Variants in ASIC2 observed in about 807,000 individuals in gnomAD.
ASIC2 encodes the protein acid-sensing ion channel 2.
Under a neutral mutation model 57.3 loss-of-function variants are expected in ASIC2, and 25 were observed. The observed-to-expected ratio is 0.44, with a 90% CI of 0.32 to 0.61. The LOEUF is 0.61. Ranked by LOEUF, ASIC2 falls within the 20% of genes least tolerant of loss-of-function variation. ASIC2 has a pLI of 0.06. For missense variants in ASIC2, 641 were observed against 738.1 expected, an observed-to-expected ratio of 0.87 and a Z score of 1.52; for synonymous variants, 319 against 307.5, an observed-to-expected ratio of 1.04 and a Z score of -0.39.
At chr17:33,485,116 C>CA (rs1174875764) in intron 1 of ASIC2, among the ~76,000 whole-genome samples, 2 of 152,254 alleles carry the variant, frequency 1.3e-5, no homozygotes, top group African/African-American at 4.8e-5. Context: ...TGCCCTGCAA[C>CA]ATAGTCACAT....
intron 1 of ASIC2, among the ~76,000 whole-genome samples, chr17:33,769,167 G>C (rs1911021235): frequency 6.6e-6 from 1 of 152,206 alleles, no homozygotes; most frequent in South Asian, 2.1e-4. Flanking sequence ...GATGGGACCA[G>C]GGGCCAACTG....
intron 1 of ASIC2, among the ~76,000 whole-genome samples, chr17:33,253,628 G>A (rs934308434): frequency 6.6e-6 from 1 of 152,180 alleles, no homozygotes; most frequent in African/African-American, 2.4e-5. Context: ...ATCCTCTTTG[G>A]ATGGCCCAGG....
At chr17:33,831,052 T>C (rs1347376990) in intron 1 of ASIC2, among the ~76,000 whole-genome samples, 1 of 127,466 alleles carries the variant, frequency 7.8e-6, no homozygotes, top group East Asian at 2.3e-4. Context: ...GAGGTTGCAA[T>C]GAGCAGAGAT....
intron 1 of ASIC2, among the ~76,000 whole-genome samples, chr17:33,602,412 T>C (rs115208811): frequency 0.032 from 4,907 of 152,244 alleles, 259 homozygotes; most frequent in African/African-American, 0.11. Flanking sequence ...AGAATGAGTT[T>C]GGCCCCCTTC....
chr17:33,088,427 C>T (rs1354886729), intron 3 of ASIC2, among the ~76,000 whole-genome samples: 2 of 152,126 alleles, frequency 1.3e-5, no homozygotes, highest in African/African-American at 2.4e-5. Context: ...AACAAGGGCT[C>T]GCTCCACTTA....
intron 1 of ASIC2, among the ~76,000 whole-genome samples, chr17:33,703,322 T>TTTTTC (rs1555553182): frequency 0.034 from 3,442 of 101,652 alleles, 134 homozygotes; most frequent in African/African-American, 0.14. Context: ...TTTCTTTTTC[T>TTTTTC]TTTTTTTTTT....
chr17:33,815,534 A>G (rs1180267431), intron 1 of ASIC2, among the ~76,000 whole-genome samples: 1 of 152,132 alleles, frequency 6.6e-6, no homozygotes, highest in Non-Finnish European at 1.5e-5. Context: ...GAGGATCTGA[A>G]TTCCTCTTAC....
intron 1 of ASIC2, among the ~76,000 whole-genome samples, chr17:33,862,244 A>G (rs2141924610): frequency 6.6e-6 from 1 of 152,310 alleles, no homozygotes; most frequent in South Asian, 2.1e-4. Flanking sequence ...AATATTTGTA[A>G]CACACTGTAA....
chr17:34,098,912 G>A, intron 1 of ASIC2, among the ~76,000 whole-genome samples: 1 of 151,952 alleles, frequency 6.6e-6, no homozygotes, highest in Non-Finnish European at 1.5e-5. Flanking sequence ...TCCATACCGT[G>A]TGATGCCCCG....
chr17:33,082,248 G>A (rs1442468478), intron 3 of ASIC2, among the ~76,000 whole-genome samples: 5 of 152,098 alleles, frequency 3.3e-5, no homozygotes, highest in African/African-American at 9.7e-5. Flanking sequence ...TAATTGCCCA[G>A]AATCTCTAGA....
intron 1 of ASIC2, among the ~76,000 whole-genome samples, chr17:34,155,397 A>G (rs1904677279): frequency 6.6e-6 from 1 of 152,060 alleles, no homozygotes; most frequent in African/African-American, 2.4e-5. Context: ...AATTCACACA[A>G]GGAAAGGAAG....
chr17:34,102,277 C>G (rs904022112), intron 1 of ASIC2, among the ~76,000 whole-genome samples: 1 of 152,226 alleles, frequency 6.6e-6, no homozygotes, highest in African/African-American at 2.4e-5. Context: ...TTGCAGTGAG[C>G]TGAGATCGCC....
intron 1 of ASIC2, among the ~76,000 whole-genome samples, chr17:34,030,525 G>C (rs1296367956): frequency 1.3e-5 from 2 of 152,204 alleles, no homozygotes; most frequent in Admixed American, 1.3e-4. Context: ...AGTAGGTGCA[G>C]TGCACCGTGC....
chr17:33,584,833 A>G (rs978484087), intron 1 of ASIC2, among the ~76,000 whole-genome samples: 2 of 152,124 alleles, frequency 1.3e-5, no homozygotes, highest in South Asian at 4.1e-4. Flanking sequence ...GGACACTAAC[A>G]GGAACTGCCT....
chr17:34,032,677 G>A (rs1180714478), intron 1 of ASIC2, among the ~76,000 whole-genome samples: 2 of 151,990 alleles, frequency 1.3e-5, no homozygotes, highest in East Asian at 1.9e-4. Context: ...GATCTACCAA[G>A]CAAATGGAAA....
intron 1 of ASIC2, among the ~76,000 whole-genome samples, chr17:33,383,954 C>T (rs1021891): frequency 0.76 from 115,855 of 152,078 alleles, 44,851 homozygotes; most frequent in Middle Eastern, 0.81. Flanking sequence ...GTGAGTTAAA[C>T]ACAAACCAGA....
intron 1 of ASIC2, among the ~76,000 whole-genome samples, chr17:33,888,697 C>T (rs1017790580): frequency 1.3e-5 from 2 of 152,020 alleles, no homozygotes; most frequent in African/African-American, 4.8e-5. Context: ...AATGTAGGTG[C>T]CCCTGGATGA....
At chr17:33,177,792 C>T (rs2142055500) in intron 1 of ASIC2, among the ~76,000 whole-genome samples, 1 of 152,252 alleles carries the variant, frequency 6.6e-6, no homozygotes, top group South Asian at 2.1e-4. Flanking sequence ...CTCTTACTTG[C>T]TTGCTGAAAT....
At chr17:34,129,675 G>A (rs1050199216) in intron 1 of ASIC2, among the ~76,000 whole-genome samples, 8 of 152,174 alleles carry the variant, frequency 5.3e-5, no homozygotes, top group African/African-American at 1.4e-4. Flanking sequence ...CTGCCCTGAG[G>A]AAATCTAAGT....
Sources: gnomAD v4.1 joint callset for allele counts (sites outside exome capture counted in the v4.1 genomes callset) on GRCh38, gnomAD v4.1.1 for gene constraint, MANE v1.5 for transcripts, NCBI Gene and HGNC (gene_info 2026-07-23, HGNC 2026-07-21) for gene names.